The following PRDM2 variants were observed in gnomAD, a reference collection of about 807,000 sequenced individuals.
The protein encoded by PRDM2 is PR/SET domain 2, also known as PR domain zinc finger protein 2.
Under a neutral mutation model 130.0 loss-of-function variants are expected in PRDM2, and 30 were observed. The ratio of observed to expected loss-of-function variants is 0.23; its 90% CI spans 0.17 to 0.31. The LOEUF is 0.31. Among genes scored for constraint, PRDM2 ranks in the 10% least tolerant of loss-of-function variants. The probability of loss-of-function intolerance (pLI) is 1.00; values close to 1 mark genes in which losing one functional copy is unlikely to be tolerated. For missense variants in PRDM2, 2,011 were observed against 2,108.4 expected (o/e 0.95, Z 0.90); for synonymous variants, 871 against 782.4 (o/e 1.11, Z -1.89).
rs182752274 is a variant in PRDM2 at position 13,750,618 on chromosome 1, A to G, written c.511+1131A>G. Among the ~76,000 whole-genome samples, 304 of 152,268 alleles carry G rather than the reference A, an allele frequency of 2.0e-3. 2 individuals are homozygous for G. The highest frequency in any genetic ancestry group is 6.9e-3 in the African/African-American group (286 of 41,566). On this transcript the variant is annotated intron_variant, in intron 6 of 9. Coordinates refer to ENST00000311066, the MANE Select transcript of PRDM2 (RefSeq NM_001393986.1). ...TTCAAGTATGTATTCTTTGTATGTC[A>G]CCACAAAATGGAAATAGAATTAATT... is the stretch of plus-strand genomic sequence containing the variant.
chr1:13,787,249 T>C, intron 8 of PRDM2: 2 of 983,668 alleles, frequency 2.0e-6, no homozygotes, highest in Non-Finnish European at 2.4e-6. Flanking sequence ...TAGCAATATA[T>C]CAGTGCACAG....
chr1:13,822,487 C>T lies in PRDM2; in HGVS notation c.*24-672C>T, dbSNP rs185141865. 6.3e-3 allele frequency among the ~76,000 whole-genome samples: 958 copies of T among 151,488 alleles called. 11 individuals carry two copies. The highest frequency in any genetic ancestry group is 0.011 in the Non-Finnish European group (773 of 67,900). ...CTGGGATCACTGCAAGCTCCGCCTC[C>T]CAGGTTCACGCCATTCTCCTGCCTT... On this transcript the variant is annotated intron_variant, in intron 9 of 9. Coordinates refer to ENST00000311066, the MANE Select transcript of PRDM2 (RefSeq NM_001393986.1).
In PRDM2 at chr1:13,767,493, C is replaced by T. The variant is rs140949868; in HGVS notation, c.512-5585C>T. On this transcript the variant is annotated intron_variant, in intron 6 of 9. Transcript: ENST00000311066. Reference sequence around the variant, plus strand: ...TTTTTTTTTTTTTTTTTGGTAGATACGGGGGTCTCACTATGTTGCCAAGGC... The same window carrying T: ...TTTTTTTTTTTTTTTTTGGTAGATATGGGGGTCTCACTATGTTGCCAAGGC... Among the ~76,000 whole-genome samples the T allele has an allele frequency of 6.2e-3, 908 of 145,946 alleles. 6 individuals carry two copies. Among genetic ancestry groups the T allele is most frequent in the African/African-American group, 0.021 (827 of 39,468 alleles).
chr1:13,814,395 G>C (rs1435074972), intron 8 of PRDM2, among the ~76,000 whole-genome samples: 1 of 152,226 alleles, frequency 6.6e-6, no homozygotes, highest in Non-Finnish European at 1.5e-5. Flanking sequence ...AGGCCCTTGG[G>C]GGAGGCTCAC....
In PRDM2 at chr1:13,782,637, G is replaced by A. The variant is rs781394057; in HGVS notation, c.4842G>A (p.Arg1614=). The A allele has an allele frequency of 1.2e-6, 2 of 1,614,014 alleles. No homozygotes were observed. The highest frequency in any genetic ancestry group is 1.7e-5 in the Admixed American group (1 of 60,002). Residue 1614 remains arginine (R), a synonymous_variant, in exon 8 of 10, where the codon AGG becomes AGA. Coordinates refer to ENST00000311066, the MANE Select transcript of PRDM2 (RefSeq NM_001393986.1). ...AAACATCACGGAGCCTGCACGTGAG[G>A]GTACAGAAAAGCAAAGCTGTTTTAC... ...SSKTSRSLHV[R]VQKSKAVLQS...
chr1:13,718,461 C>T (rs1303835816), intron 2 of PRDM2, among the ~76,000 whole-genome samples: 2 of 152,186 alleles, frequency 1.3e-5, no homozygotes, highest in African/African-American at 2.4e-5. Context: ...TCAGCACTGA[C>T]TATTGAGGCG....
intron 6 of PRDM2, among the ~76,000 whole-genome samples, chr1:13,756,262 C>CAAAAAA (rs1288638873): frequency 1.3e-5 from 1 of 79,690 alleles, no homozygotes. Context: ...GACTCCTTCT[C>CAAAAAA]AAAAAAAAAA....
At chr1:13,821,631 G>A (rs1466413136) in intron 9 of PRDM2, among the ~76,000 whole-genome samples, 1 of 151,720 alleles carries the variant, frequency 6.6e-6, no homozygotes, top group Non-Finnish European at 1.5e-5. Context: ...ATGTATTTTT[G>A]TATTTTTGTA....
At chr1:13,791,653 G>A (rs1056988443) in intron 8 of PRDM2, among the ~76,000 whole-genome samples, 2 of 152,220 alleles carry the variant, frequency 1.3e-5, no homozygotes, top group African/African-American at 2.4e-5. Flanking sequence ...ATTAGAACCT[G>A]GAGGGGGTGT....
intron 1 of PRDM2, chr1:13,704,857 AAAAGTGACATTCT>A (rs1389173096): frequency 6.6e-6 from 1 of 152,250 alleles, no homozygotes; most frequent in Non-Finnish European, 1.5e-5. Context: ...GTATCAGTGT[AAAAGTGACATTCT>A]AAATGTTCCT....
intron 5 of PRDM2, among the ~76,000 whole-genome samples, chr1:13,743,204 C>A (rs998562241): frequency 6.6e-6 from 1 of 151,876 alleles, no homozygotes; most frequent in African/African-American, 2.4e-5. Context: ...TTGAGACCAT[C>A]CTGGCTAACA....
At chr1:13,789,654 A>G (rs559657638) in intron 8 of PRDM2, among the ~76,000 whole-genome samples, 2 of 152,272 alleles carry the variant, frequency 1.3e-5, no homozygotes, top group Admixed American at 1.3e-4. Context: ...TGCATTTGAT[A>G]TTTTATTCAT....
At chr1:13,724,863 C>T (rs2100448700) in intron 2 of PRDM2, among the ~76,000 whole-genome samples, 1 of 152,216 alleles carries the variant, frequency 6.6e-6, no homozygotes, top group African/African-American at 2.4e-5. Context: ...GGGGAGAAAG[C>T]TTATAGTTGT....
intron 6 of PRDM2, among the ~76,000 whole-genome samples, chr1:13,761,085 C>T (rs189974981): frequency 4.7e-4 from 71 of 152,340 alleles, no homozygotes; most frequent in African/African-American, 1.5e-3. Flanking sequence ...GTTAACCAAA[C>T]GAGGACACCT....
At chr1:13,783,610 C>T (rs956466881) in intron 8 of PRDM2, among the ~76,000 whole-genome samples, 1 of 152,182 alleles carries the variant, frequency 6.6e-6, no homozygotes, top group Non-Finnish European at 1.5e-5. Flanking sequence ...GCTTTATTCC[C>T]TGTGCTTCCT....
rs1047035353 is a variant in PRDM2, at chr1:13,732,628, C to T, written c.128-151C>T. 3 of 549,720 alleles carry T rather than the reference C, an allele frequency of 5.5e-6. No homozygotes were observed. In the East Asian group the frequency reaches 9.8e-5, roughly 18 times the overall value. 34.1% of individuals were successfully genotyped at this position (549,720 alleles called of 1,614,324 possible). A position where few individuals can be genotyped will look rare whatever the true frequency, so the allele number is the denominator to read the frequency against. On this transcript the variant is annotated intron_variant, in intron 3 of 9. Coordinates refer to ENST00000311066, the MANE Select transcript of PRDM2 (RefSeq NM_001393986.1). ...ATAAAAATCCCCATTGAGGACTTGACTTAATTTAACTTGATCTCAGGCTAT... is the reference window on the plus strand; with the variant it reads ...ATAAAAATCCCCATTGAGGACTTGATTTAATTTAACTTGATCTCAGGCTAT...
At chr1:13,746,029 A>G (rs1454232753) in intron 5 of PRDM2, among the ~76,000 whole-genome samples, 1 of 152,136 alleles carries the variant, frequency 6.6e-6, no homozygotes, top group Non-Finnish European at 1.5e-5. Flanking sequence ...TACCCAGTAT[A>G]AGGAATATTA....
intron 2 of PRDM2, among the ~76,000 whole-genome samples, chr1:13,723,963 C>T (rs772674292): frequency 3.9e-5 from 6 of 152,184 alleles, no homozygotes; most frequent in Non-Finnish European, 5.9e-5. Context: ...CCAAGCCAAC[C>T]AGGAAGGGCT....
chr1:13,719,135 A>T (rs796275021), intron 2 of PRDM2, among the ~76,000 whole-genome samples: 29 of 152,336 alleles, frequency 1.9e-4, no homozygotes, highest in African/African-American at 7.0e-4. Context: ...GTTATAAAGG[A>T]TGATGGGTAG....
Sources: allele counts gnomAD v4.1 joint callset (sites outside exome capture counted in the v4.1 genomes callset), GRCh38; gene constraint gnomAD v4.1.1; transcripts MANE v1.5; gene names NCBI Gene and HGNC (gene_info 2026-07-23, HGNC 2026-07-21).